The following AK9 variants were observed in gnomAD, a reference collection of about 807,000 sequenced individuals.
The protein encoded by AK9 is adenylate kinase 9, also known as adenylate kinase domain containing 1.
In AK9, 191 loss-of-function variants were observed where a neutral mutation model predicts 239.6. The observed-to-expected ratio is 0.80, with a 90% confidence interval of 0.71 to 0.90. The LOEUF (loss-of-function observed/expected upper bound fraction) is 0.90, where lower values mean the gene tolerates loss of function less well. Ranked by LOEUF, AK9 falls within the 40% of genes least tolerant of loss-of-function variation. AK9 has a pLI of 0.00. For synonymous variants in AK9, 689 were observed against 721.0 expected (o/e 0.96, Z 0.71); for missense variants, 1,995 against 2,214.7 (o/e 0.90, Z 1.99).
At chr6:109,633,665 A>G (rs1037488852) in intron 10 of AK9, among the ~76,000 whole-genome samples, 2 of 152,216 alleles carry the variant, frequency 1.3e-5, no homozygotes, top group African/African-American at 4.8e-5. Context: ...TTCCTTAGAA[A>G]ACAGATTCTG....
chr6:109,516,038 A>G lies in AK9; in HGVS notation c.3884T>C (p.Ile1295Thr), dbSNP rs947858308. 5 of 1,550,962 alleles carry G rather than the reference A, an allele frequency of 3.2e-6. No individual in the cohort carries two copies. In the African/African-American group the frequency reaches 6.8e-5, roughly 21 times the overall value. ...LERYLIPIIS[I>T]NGARRNHIVQ... ...AATGTGATTTCTCCGAGCTCCATTAATGGAAATTATTGGTATCAAATACCT... is the reference window on the plus strand; with the variant it reads ...AATGTGATTTCTCCGAGCTCCATTAGTGGAAATTATTGGTATCAAATACCT... Residue 1295 changes from isoleucine (I) to threonine (T), a missense_variant, in exon 31 of 41, where the codon ATT becomes ACT. Transcript: ENST00000424296.
At chr6:109,654,315 C>T (rs922788137) in intron 8 of AK9, among the ~76,000 whole-genome samples, 5 of 151,788 alleles carry the variant, frequency 3.3e-5, no homozygotes, top group Admixed American at 2.0e-4. Flanking sequence ...GGCATCACAT[C>T]GCATTGTTTT....
intron 17 of AK9, among the ~76,000 whole-genome samples, chr6:109,602,679 T>G (rs1583210196): frequency 1.3e-5 from 2 of 152,236 alleles, no homozygotes; most frequent in East Asian, 1.9e-4. Flanking sequence ...TCCAACTTGG[T>G]TCCATTCTCC....
chr6:109,608,055 C>T (rs1228246633), intron 17 of AK9, among the ~76,000 whole-genome samples: 1 of 151,806 alleles, frequency 6.6e-6, no homozygotes, highest in African/African-American at 2.4e-5. Flanking sequence ...GCAGATAGAT[C>T]ACTTGAGGTC....
At position 109,529,143 on chromosome 6, in the gene AK9, A is replaced by G. The variant is rs543387919; in HGVS notation, c.3571-70T>C. The G allele has an allele frequency of 9.6e-6, 14 of 1,453,192 alleles. No homozygotes were observed. The South Asian group carries it at 1.0e-4, about 11-fold the overall frequency. The allele number at this position is 1,453,192 out of a possible 1,614,324, so 90.0% of individuals were successfully genotyped here. On this transcript the variant is annotated intron_variant, in intron 28 of 40. Transcript: ENST00000424296. The stretch of plus-strand genomic sequence containing the variant: ...AAAGTGGCTTTCTCTGTATTCATAT[A>G]TTTTTATATAAAGTAGGAATAACGT...
intron 29 of AK9, chr6:109,528,529 T>A (rs756679069): frequency 2.2e-6 from 1 of 456,612 alleles, no homozygotes; most frequent in South Asian, 1.5e-5. Context: ...TGGTTTTTTC[T>A]TATCTACTTT....
At position 109,622,558 on chromosome 6, in the gene AK9, A is replaced by G. The variant is rs1443457051; in HGVS notation, c.1255-3322T>C. Among the ~76,000 whole-genome samples the G allele has an allele frequency of 3.4e-5, 5 of 145,710 alleles. No homozygotes were observed. In the South Asian group the frequency reaches 1.1e-3, roughly 31 times the overall value. ...ATATTAATATTAAATTGCATATTAT[A>G]TTGTATATTAATATAATATATGCAT... is the stretch of plus-strand genomic sequence containing the variant. On this transcript the variant is annotated intron_variant, in intron 12 of 40. Transcript: ENST00000424296.
intron 25 of AK9, among the ~76,000 whole-genome samples, chr6:109,547,323 T>C (rs1292514827): frequency 6.6e-6 from 1 of 152,262 alleles, no homozygotes; most frequent in Non-Finnish European, 1.5e-5. Context: ...GTGATGTATA[T>C]ATCTTGCTCC....
intron 1 of AK9, among the ~76,000 whole-genome samples, chr6:109,683,569 A>G (rs935546593): frequency 1.3e-5 from 2 of 152,218 alleles, no homozygotes; most frequent in African/African-American, 4.8e-5. Context: ...TACAAAATCG[A>G]TGTGCAAAAA....
intron 32 of AK9, among the ~76,000 whole-genome samples, chr6:109,511,207 C>T (rs749047961): frequency 4.6e-5 from 7 of 151,772 alleles, no homozygotes; most frequent in Non-Finnish European, 1.0e-4. Flanking sequence ...ATATAATATT[C>T]CTGTTTCACT....
intron 11 of AK9, 28 bp from the exon 12 acceptor site, chr6:109,633,131 C>T (rs377689796): frequency 6.4e-7 from 1 of 1,558,396 alleles, no homozygotes; most frequent in Admixed American, 2.2e-5. Flanking sequence ...TAGTAAACAA[C>T]TGAAAAGATG....
intron 39 of AK9, chr6:109,494,487 T>C (rs1776835996): frequency 6.3e-6 from 1 of 159,030 alleles, no homozygotes; most frequent in African/African-American, 2.4e-5. Context: ...TGCCTCCCAC[T>C]CTGAGGACCC....
At chr6:109,674,287 G>C (rs954971904) in intron 2 of AK9, 26 bp from the exon 3 acceptor site, 1 of 1,498,962 alleles carries the variant, frequency 6.7e-7, no homozygotes, top group Admixed American at 2.1e-5. Context: ...GTTATTTAAA[G>C]CCCAATAGAA....
chr6:109,631,846 T>C (rs1796114959), intron 12 of AK9: 1 of 152,196 alleles, frequency 6.6e-6, no homozygotes, highest in Non-Finnish European at 1.5e-5. Flanking sequence ...ATCATAATTA[T>C]AATGTTAAGT....
chr6:109,506,937 A>G, intron 33 of AK9, 137 bp from the exon 34 acceptor site: 1 of 1,326,916 alleles, frequency 7.5e-7, no homozygotes, highest in Non-Finnish European at 9.8e-7. Flanking sequence ...TTTTCTTCAC[A>G]CTTTGCCCTC....
chr6:109,534,305 T>TATTTATTTTA lies in AK9; in HGVS notation c.3351-845_3351-836dup, dbSNP rs1781681134. On this transcript the variant is annotated intron_variant, in intron 27 of 40. Transcript: ENST00000424296. Reference sequence around the variant, plus strand: ...TATTTTAATTTATTTTATTTTATTTTATTTATTTTAATTTATTTTAATTAG... The same window carrying TATTTATTTTA: ...TATTTTAATTTATTTTATTTTATTTTATTTATTTTAATTTATTTTAATTTATTTTAATTAG... 2.0e-5 allele frequency among the ~76,000 whole-genome samples: 3 copies of TATTTATTTTA among 149,860 alleles called. No homozygotes were observed. In the South Asian group the frequency reaches 6.2e-4, roughly 31 times the overall value.
In AK9 at chr6:109,662,570, TC is replaced by T; in HGVS notation, c.424del (p.Asp142MetfsTer3). 6.4e-7 allele frequency: 1 copy of T among 1,560,468 alleles called. No individual in the cohort carries two copies. Among genetic ancestry groups the T allele is most frequent in the Non-Finnish European group, 8.7e-7 (1 of 1,152,916 alleles). ...ELIKNLNLKP[D>X]VIINIKCPDY... ...CCTTACCTTTATATTGATTATAACATCAGGTTTCAGGTTTAAGTTTTTAATT... is the reference window on the plus strand; with the variant it reads ...CCTTACCTTTATATTGATTATAACATAGGTTTCAGGTTTAAGTTTTTAATT... On this transcript the variant is annotated frameshift_variant, in exon 6 of 41. Coordinates refer to ENST00000424296, the MANE Select transcript of AK9 (RefSeq NM_001145128.3). LOFTEE classifies it high-confidence loss of function.
chr6:109,497,449 G>A lies in AK9; in HGVS notation c.5315+16C>T, dbSNP rs777270273. ...ACACAGATTTTCAGTAAATATTTGTGATTTAATGGTCTCACCTCAAAAATT... is the reference window on the plus strand; with the variant it reads ...ACACAGATTTTCAGTAAATATTTGTAATTTAATGGTCTCACCTCAAAAATT... On this transcript the variant is annotated intron_variant, in intron 38 of 40. Coordinates refer to ENST00000424296, the MANE Select transcript of AK9 (RefSeq NM_001145128.3). 3.3e-5 allele frequency: 50 copies of A among 1,495,584 alleles called. No homozygotes were observed. Among genetic ancestry groups the A allele is most frequent in the Non-Finnish European group, 4.5e-5 (48 of 1,075,016 alleles). 92.6% of individuals were successfully genotyped at this position (1,495,584 alleles called of 1,614,324 possible).
At chr6:109,671,488 G>C (rs887175523) in intron 5 of AK9, among the ~76,000 whole-genome samples, 3 of 152,230 alleles carry the variant, frequency 2.0e-5, no homozygotes, top group Non-Finnish European at 4.4e-5. Flanking sequence ...ACAGGCTGAA[G>C]CCTGACAATA....
Sources: allele counts gnomAD v4.1 joint callset (sites outside exome capture counted in the v4.1 genomes callset), GRCh38; gene constraint gnomAD v4.1.1; transcripts MANE v1.5; gene names NCBI Gene and HGNC (gene_info 2026-07-23, HGNC 2026-07-21).